Variants in TENT4B observed in about 807,000 individuals in gnomAD.
TENT4B encodes the protein terminal nucleotidyltransferase 4B, also known as PAP associated domain containing 5.
A neutral mutation model predicts 75.0 loss-of-function variants in TENT4B; 10 were observed. The observed-to-expected ratio is 0.13, with a 90% CI of 0.08 to 0.23. The LOEUF is 0.23. Among genes scored for constraint, TENT4B ranks in the 10% least tolerant of loss-of-function variants. The probability of loss-of-function intolerance (pLI) is 1.00; values close to 1 mark genes in which losing one functional copy is unlikely to be tolerated. For synonymous variants in TENT4B, 350 were observed against 357.7 expected, an observed-to-expected ratio of 0.98 and a Z score of 0.24; for missense variants, 579 against 893.8, an observed-to-expected ratio of 0.65 and a Z score of 4.49.
Position 50,227,725 on chromosome 16 carries a change from C to A in TENT4B, c.1801-114C>A, listed in dbSNP as rs2032116913. On this transcript the variant is annotated intron_variant, in intron 10 of 11. Transcript: ENST00000561678. ...ATTTTTTGTGTGCTTCTTTTAACTC[C>A]CAAATGTTTAAATTTAGTCCAGAGA... The A allele has an allele frequency of 3.5e-6, 4 of 1,157,318 alleles. No individual in the cohort carries two copies. In the South Asian group the frequency reaches 4.7e-5, roughly 14 times the overall value. 71.7% of individuals were successfully genotyped at this position (1,157,318 alleles called of 1,614,324 possible). A position where few individuals can be genotyped will look rare whatever the true frequency, so the allele number is the denominator to read the frequency against.
intron 7 of TENT4B, 50 bp from the exon 8 acceptor site, chr16:50,224,607 G>A: frequency 6.2e-7 from 1 of 1,606,380 alleles, no homozygotes; most frequent in Non-Finnish European, 8.5e-7. Context: ...AACATTTAGT[G>A]CATATTAAGC....
chr16:50,177,679 A>G (rs2038336172), intron 1 of TENT4B, among the ~76,000 whole-genome samples: 1 of 151,810 alleles, frequency 6.6e-6, no homozygotes, highest in South Asian at 2.1e-4. Context: ...TCAAAGAACC[A>G]GTTTTTGGTT....
intron 5 of TENT4B, among the ~76,000 whole-genome samples, chr16:50,220,950 T>C (rs1165921365): frequency 6.6e-6 from 1 of 152,140 alleles, no homozygotes; most frequent in Non-Finnish European, 1.5e-5. Flanking sequence ...GCGTGTTCAT[T>C]GTAGGACATC....
intron 5 of TENT4B, among the ~76,000 whole-genome samples, chr16:50,220,487 G>T (rs2031777530): frequency 6.6e-6 from 1 of 151,740 alleles, no homozygotes; most frequent in Non-Finnish European, 1.5e-5. Context: ...ACCCCTAATT[G>T]TTCTTTGAAA....
At position 50,217,638 on chromosome 16, in the gene TENT4B, C is replaced by A; in HGVS notation, c.1013C>A (p.Ala338Asp). The change falls in exon 5 of 12, where the codon GCT (alanine) becomes GAT (aspartate). Residue 338 changes from alanine (A) to aspartate (D), a missense_variant. Ala to Asp is a moderately radical substitution (Grantham distance 126, BLOSUM62 -2). Around this residue, in one of 7 missense-constraint regions of TENT4B, gnomAD observed 55 missense variants for 77.1 expected, o/e 0.71. Coordinates refer to ENST00000561678, the MANE Select transcript of TENT4B (RefSeq NM_001365324.3). ...SFNVQNGVRA[A>D]DLIKDFTKKY... is the part of the protein sequence containing the mutation. ...AATGTACAGAATGGCGTGAGAGCAG[C>A]TGACCTCATCAAAGATTTTACCAAG... 1 of 1,529,914 alleles carries A rather than the reference C, an allele frequency of 6.5e-7. No homozygotes were observed. Among genetic ancestry groups the A allele is most frequent in the Admixed American group, 2.3e-5 (1 of 43,586 alleles). 94.8% of individuals were successfully genotyped at this position (1,529,914 alleles called of 1,614,324 possible). A position where few individuals can be genotyped will look rare whatever the true frequency, so the allele number is the denominator to read the frequency against.
At chr16:50,182,419 G>T (rs2038432434) in intron 1 of TENT4B, among the ~76,000 whole-genome samples, 1 of 152,114 alleles carries the variant, frequency 6.6e-6, no homozygotes, top group South Asian at 2.1e-4. Flanking sequence ...CAAATGCCTA[G>T]AATTTCAAAA....
At chr16:50,161,703 G>A (rs1225347940) in intron 1 of TENT4B, among the ~76,000 whole-genome samples, 4 of 152,238 alleles carry the variant, frequency 2.6e-5, no homozygotes, top group African/African-American at 7.2e-5. Context: ...ATAGTACAGA[G>A]CCCATGTTCC....
chr16:50,230,175 C>G lies in TENT4B; in HGVS notation c.*847C>G, dbSNP rs1406200032. The stretch of plus-strand genomic sequence containing the variant: ...GTGTAAACACTGAAAAATCTCTGGT[C>G]ATCTCCGAGAATTAACTTGCAACTG... On this transcript the variant is annotated 3_prime_UTR_variant, in exon 12 of 12. Transcript: ENST00000561678. The G allele has an allele frequency of 1.0e-6, 1 of 984,230 alleles. No homozygotes were observed. Among genetic ancestry groups the G allele is most frequent in the African/African-American group, 1.8e-5 (1 of 56,942 alleles). The allele number at this position is 984,230 out of a possible 1,614,324, so 61.0% of individuals were successfully genotyped here.
intron 1 of TENT4B, among the ~76,000 whole-genome samples, chr16:50,196,557 A>T (rs1178286444): frequency 1.3e-5 from 2 of 152,048 alleles, no homozygotes; most frequent in East Asian, 3.9e-4. Flanking sequence ...GAAGCTACCA[A>T]TGTTGCTTTA....
intron 1 of TENT4B, among the ~76,000 whole-genome samples, chr16:50,186,775 T>C (rs1448137194): frequency 6.6e-6 from 1 of 152,188 alleles, no homozygotes; most frequent in African/African-American, 2.4e-5. Flanking sequence ...CTCACTCTGT[T>C]GCCCAGGCTG....
At chr16:50,228,403 TCAG>T (rs1295186123) in intron 11 of TENT4B, among the ~76,000 whole-genome samples, 1 of 152,256 alleles carries the variant, frequency 6.6e-6, no homozygotes, top group African/African-American at 2.4e-5. Context: ...GTTGAAATGA[TCAG>T]CTGGCTGTCA....
chr16:50,219,157 T>TC (rs1410686164), intron 5 of TENT4B, among the ~76,000 whole-genome samples: 1 of 152,168 alleles, frequency 6.6e-6, no homozygotes, highest in African/African-American at 2.4e-5. Flanking sequence ...AAATTGAAAT[T>TC]CATATGCATG....
At position 50,201,272 on chromosome 16, in the gene TENT4B, C is replaced by T. The variant is rs192357842; in HGVS notation, c.639-10051C>T. ...CAGCCCTGGGCTGGATGCGGTGGCT[C>T]ACGCCTGTAATCCTAGCACTTTGGG... On this transcript the variant is annotated intron_variant, in intron 1 of 11. Coordinates refer to ENST00000561678, the MANE Select transcript of TENT4B (RefSeq NM_001365324.3). Among the ~76,000 whole-genome samples, 707 of 152,236 alleles carry T rather than the reference C, an allele frequency of 4.6e-3. 4 individuals are homozygous for T. Among genetic ancestry groups the T allele is most frequent in the Non-Finnish European group, 8.0e-3 (542 of 68,020 alleles).
chr16:50,176,808 A>G (rs966194640), intron 1 of TENT4B, among the ~76,000 whole-genome samples: 6 of 151,786 alleles, frequency 4.0e-5, no homozygotes, highest in African/African-American at 9.7e-5. Context: ...TGCCTGGCCT[A>G]TAATTCTTTA....
chr16:50,164,457 C>T (rs139366451), intron 1 of TENT4B, among the ~76,000 whole-genome samples: 2,456 of 152,004 alleles, frequency 0.016, 34 homozygotes, highest in Non-Finnish European at 0.026. Context: ...TACAGGCGCC[C>T]ACCACCATAC....
At chr16:50,212,385 C>G (rs1368829635) in intron 2 of TENT4B, among the ~76,000 whole-genome samples, 1 of 152,082 alleles carries the variant, frequency 6.6e-6, no homozygotes, top group Non-Finnish European at 1.5e-5. Flanking sequence ...TAATACGTCA[C>G]TTTTTAGGGC....
At chr16:50,182,067 G>A (rs2038426246) in intron 1 of TENT4B, among the ~76,000 whole-genome samples, 1 of 152,120 alleles carries the variant, frequency 6.6e-6, no homozygotes, top group South Asian at 2.1e-4. Flanking sequence ...AGGAGTTCAA[G>A]ACCAGCCTAG....
At chr16:50,208,759 G>T (rs1468364728) in intron 1 of TENT4B, among the ~76,000 whole-genome samples, 1 of 151,600 alleles carries the variant, frequency 6.6e-6, no homozygotes, top group East Asian at 1.9e-4. Context: ...TTGAGACAAA[G>T]TCTCACTCCA....
At chr16:50,203,283 A>G (rs959786655) in intron 1 of TENT4B, among the ~76,000 whole-genome samples, 2 of 152,114 alleles carry the variant, frequency 1.3e-5, no homozygotes, top group African/African-American at 4.8e-5. Context: ...AGATGGTACA[A>G]ATTATTTAGG....
Sources: allele counts gnomAD v4.1 joint callset (sites outside exome capture counted in the v4.1 genomes callset), GRCh38; gene constraint gnomAD v4.1.1; regional missense constraint gnomAD v4.1.1; transcripts MANE v1.5; gene names NCBI Gene and HGNC (gene_info 2026-07-23, HGNC 2026-07-21).